Variants in SEC31A observed in about 807,000 individuals in gnomAD.
The protein encoded by SEC31A is protein transport protein Sec31A.
SEC31A carries 70 observed loss-of-function variants against 151.0 expected under a neutral mutation model. The ratio of observed to expected loss-of-function variants is 0.46; its 90% CI spans 0.38 to 0.57. The LOEUF (loss-of-function observed/expected upper bound fraction) is 0.57. SEC31A is among the 20% of genes least tolerant of loss of function. The probability of loss-of-function intolerance (pLI) is 0.00; values close to 1 mark genes in which losing one functional copy is unlikely to be tolerated. For synonymous variants in SEC31A, 475 were observed against 505.9 expected, an observed-to-expected ratio of 0.94 and a Z score of 0.82; for missense variants, 1,330 against 1,471.2, an observed-to-expected ratio of 0.90 and a Z score of 1.57.
chr4:82,897,751 A>G (rs755544444), intron 3 of SEC31A: 9 of 152,184 alleles, frequency 5.9e-5, no homozygotes, highest in Non-Finnish European at 1.0e-4. Flanking sequence ...AAAATAAAAT[A>G]AAATGAAATG....
intron 26 of SEC31A, among the ~76,000 whole-genome samples, chr4:82,819,868 T>C (rs1001409830): frequency 1.3e-5 from 2 of 152,050 alleles, no homozygotes; most frequent in Non-Finnish European, 2.9e-5. Context: ...TTCAAGCGAT[T>C]CTCCTGCCTC....
chr4:82,895,849 TATTATGTCCTC>T (rs1313024518), upstream of SEC31A: 1 of 152,248 alleles, frequency 6.6e-6, no homozygotes, highest in East Asian at 1.9e-4. Context: ...TTTCTTTTTC[TATTATGTCCTC>T]ATCCACATAC....
chr4:82,856,882 A>C, intron 16 of SEC31A, 70 bp downstream of exon 16: 3 of 1,289,510 alleles, frequency 2.3e-6, no homozygotes, highest in South Asian at 1.5e-5. Flanking sequence ...TCAGTTATCT[A>C]TAATAACAGT....
rs1734877567 is a variant in SEC31A at position 82,864,566 on chromosome 4, G to A, written c.1230C>T (p.Val410=). 6.2e-7 allele frequency: 1 copy of A among 1,613,956 alleles called. No homozygotes were observed. Among genetic ancestry groups the A allele is most frequent in the Non-Finnish European group, 8.5e-7 (1 of 1,179,990 alleles). Residue 410 remains valine, a synonymous_variant, in exon 11 of 27, where the codon GTC becomes GTT. Coordinates refer to ENST00000395310, the MANE Select transcript of SEC31A (RefSeq NM_001077207.4). ...CAGCTCCCTGATGAGAAGGCATTCT[G>A]ACATTCTCAAACGTAACCAGTTTGC... ...FGGKLVTFEN[V]RMPSHQGAEQ...
intron 20 of SEC31A, among the ~76,000 whole-genome samples, chr4:82,847,674 C>T (rs1436068905): frequency 3.3e-5 from 5 of 152,118 alleles, no homozygotes; most frequent in African/African-American, 1.2e-4. Context: ...TCTCAGTTTT[C>T]CCAGCCATCA....
intron 18 of SEC31A, 56 bp downstream of exon 18, chr4:82,853,514 A>G: frequency 2.2e-6 from 3 of 1,391,180 alleles, no homozygotes; most frequent in Non-Finnish European, 1.9e-6. Flanking sequence ...ACTTGATGAT[A>G]AGTAGGGTGA....
chr4:82,858,243 T>A (rs1016418849), intron 14 of SEC31A, among the ~76,000 whole-genome samples: 8 of 151,126 alleles, frequency 5.3e-5, no homozygotes, highest in Admixed American at 4.0e-4. Context: ...AAACCCCGTC[T>A]CTACTAAAAT....
chr4:82,877,598 T>A (rs1017611312), intron 4 of SEC31A: 1 of 152,218 alleles, frequency 6.6e-6, no homozygotes, highest in Non-Finnish European at 1.5e-5. Flanking sequence ...CAGGCTAAGA[T>A]CGTTATTAAG....
intron 1 of SEC31A, among the ~76,000 whole-genome samples, chr4:82,887,444 G>A (rs1237007102): frequency 1.3e-5 from 2 of 152,314 alleles, no homozygotes; most frequent in Non-Finnish European, 2.9e-5. Context: ...GTGTGGGCTT[G>A]TTCATACATG....
At chr4:82,858,262 T>C (rs979443929) in intron 14 of SEC31A, among the ~76,000 whole-genome samples, 3 of 150,396 alleles carry the variant, frequency 2.0e-5, no homozygotes, top group Non-Finnish European at 4.4e-5. Flanking sequence ...ATACAAAAAA[T>C]TGGCCGGGTG....
chr4:82,879,384 A>AAG (rs56355345), intron 3 of SEC31A, among the ~76,000 whole-genome samples: 104 of 149,848 alleles, frequency 6.9e-4, no homozygotes, highest in South Asian at 3.8e-3. Context: ...AAAAAAAAAA[A>AAG]GGGGGGGTCA....
chr4:82,876,427 G>A (rs909772991), intron 4 of SEC31A, among the ~76,000 whole-genome samples: 10 of 152,164 alleles, frequency 6.6e-5, no homozygotes, highest in African/African-American at 2.4e-4. Flanking sequence ...TTCTTAATCA[G>A]TCATGCAACC....
At chr4:82,890,885 A>C (rs1318478576) in intron 1 of SEC31A, 1 of 1,387,686 alleles carries the variant, frequency 7.2e-7, no homozygotes, top group Non-Finnish European at 9.3e-7. Context: ...GCGAATGCGG[A>C]CGGGCGCGAT....
At chr4:82,876,753 GGGCTTCA>G (rs1738048913) in intron 4 of SEC31A, among the ~76,000 whole-genome samples, 1 of 152,136 alleles carries the variant, frequency 6.6e-6, no homozygotes, top group Non-Finnish European at 1.5e-5. Flanking sequence ...GGAAGATAAT[GGGCTTCA>G]TATACTGACC....
intron 16 of SEC31A, among the ~76,000 whole-genome samples, chr4:82,855,833 C>T (rs1280703708): frequency 6.6e-6 from 1 of 152,018 alleles, no homozygotes; most frequent in African/African-American, 2.4e-5. Flanking sequence ...ATTAATGGGT[C>T]CAAGGCTTAA....
At chr4:82,898,495 AT>A (rs1720157099) in intron 3 of SEC31A, among the ~76,000 whole-genome samples, 1 of 152,274 alleles carries the variant, frequency 6.6e-6, no homozygotes, top group Non-Finnish European at 1.5e-5. Flanking sequence ...TTCATCTGAA[AT>A]TAACAATTAA....
intron 20 of SEC31A, among the ~76,000 whole-genome samples, chr4:82,846,296 C>A (rs1730162138): frequency 6.6e-6 from 1 of 151,324 alleles, no homozygotes; most frequent in Admixed American, 6.6e-5. Context: ...AGCCACCACG[C>A]CCGGCCTGTT....
chr4:82,891,513 TAG>T (rs1456011632), upstream of SEC31A, among the ~76,000 whole-genome samples: 1 of 152,316 alleles, frequency 6.6e-6, no homozygotes, highest in Non-Finnish European at 1.5e-5. Flanking sequence ...CACGTAGCAC[TAG>T]TCCTGTGAGG....
At chr4:82,872,493 T>C (rs1358006219) in intron 6 of SEC31A, among the ~76,000 whole-genome samples, 5 of 152,000 alleles carry the variant, frequency 3.3e-5, no homozygotes, top group Non-Finnish European at 7.4e-5. Context: ...CTGGCCTTAG[T>C]TTATTTTAAA....
Sources: gnomAD v4.1 joint callset for allele counts (sites outside exome capture counted in the v4.1 genomes callset) on GRCh38, gnomAD v4.1.1 for gene constraint, MANE v1.5 for transcripts, NCBI Gene and HGNC (gene_info 2026-07-23, HGNC 2026-07-21) for gene names.